Variants in SBNO2 observed in about 807,000 individuals in gnomAD.
SBNO2 encodes strawberry notch homolog 2, also known as protein strawberry notch homolog 2.
SBNO2 carries 89 observed loss-of-function variants against 146.3 expected under a neutral mutation model. The ratio of observed to expected loss-of-function variants is 0.61; its 90% confidence interval spans 0.51 to 0.73. SBNO2 has a LOEUF of 0.73. SBNO2 is among the 30% of genes least tolerant of loss of function. The probability of loss-of-function intolerance (pLI) is 0.00; values close to 1 mark genes in which losing one functional copy is unlikely to be tolerated. For missense variants in SBNO2, 2,092 were observed against 2,003.7 expected, an observed-to-expected ratio of 1.04 and a Z score of -0.84; for synonymous variants, 1,147 against 892.6, an observed-to-expected ratio of 1.29 and a Z score of -5.08.
At chr19:1,117,290 C>T (rs764077971) in intron 15 of SBNO2, 33 bp downstream of exon 15, 30 of 1,537,208 alleles carry the variant, frequency 2.0e-5, no homozygotes, top group East Asian at 1.2e-4. Flanking sequence ...CAGGCCCGGC[C>T]GCCCTCAGCC....
chr19:1,145,014 C>CAGAGACAGAGGCAGAGAG (rs1179693274), intron 4 of SBNO2, among the ~76,000 whole-genome samples: 2 of 144,984 alleles, frequency 1.4e-5, no homozygotes, highest in Admixed American at 6.8e-5. Flanking sequence ...TAGAGGGAGA[C>CAGAGACAGAGGCAGAGAG]AGAGACAGAG....
chr19:1,159,092 C>T (rs2080319442), intron 1 of SBNO2, among the ~76,000 whole-genome samples: 1 of 152,270 alleles, frequency 6.6e-6, no homozygotes, highest in East Asian at 1.9e-4. Context: ...CGTGACCCCA[C>T]CTGCAGCTAT....
chr19:1,139,986 A>AAAAG (rs1160754270), intron 4 of SBNO2, among the ~76,000 whole-genome samples: 1 of 150,206 alleles, frequency 6.7e-6, no homozygotes. Context: ...ACAGAGACAG[A>AAAAG]AAAGAAAGAA....
intron 11 of SBNO2, 132 bp downstream of exon 11, chr19:1,122,007 T>G: frequency 2.4e-4 from 27 of 114,820 alleles, no homozygotes; most frequent in Non-Finnish European, 3.4e-4. Flanking sequence ...GCCCCACCCC[T>G]CCGCTCCTAC....
At chr19:1,120,678 G>GT (rs920453902) in intron 11 of SBNO2, among the ~76,000 whole-genome samples, 17 of 150,090 alleles carry the variant, frequency 1.1e-4, no homozygotes, top group Non-Finnish European at 1.5e-4. Context: ...CTAATTCTTT[G>GT]TTTTTTTTTG....
intron 1 of SBNO2, among the ~76,000 whole-genome samples, chr19:1,166,231 A>ACCCCAGATCCCAGACTTCAGAT (rs144460199): frequency 0.96 from 73,855 of 76,538 alleles, 36,063 homozygotes; most frequent in Middle Eastern, 0.98. Flanking sequence ...GAGATTCCAG[A>ACCCCAGATCCCAGACTTCAGAT]CCCCAGATCC....
rs1264345220 is a variant in SBNO2, at chr19:1,124,011, G to T, written c.453C>A (p.Leu151=). The T allele has an allele frequency of 6.2e-7, 1 of 1,611,282 alleles. No individual in the cohort carries two copies. The highest frequency in any genetic ancestry group is 1.3e-5 in the African/African-American group (1 of 74,894). ...APSTHDKLFQ[L]SRPFAGFEDF... Reference sequence around the variant, plus strand: ...CCTCGAAGCCTGCAAACGGCCTGCTGAGCTGGAACAGCTGGAAGGGGAGCA... The same window carrying T: ...CCTCGAAGCCTGCAAACGGCCTGCTTAGCTGGAACAGCTGGAAGGGGAGCA... The change falls in exon 6 of 32, where the codon CTC becomes CTA. Residue 151 remains leucine (L), a synonymous_variant. Transcript: ENST00000361757.
intron 14 of SBNO2, among the ~76,000 whole-genome samples, chr19:1,118,071 C>G (rs2079854363): frequency 6.6e-6 from 1 of 152,230 alleles, no homozygotes; most frequent in East Asian, 1.9e-4. Flanking sequence ...TGTGGTGGCT[C>G]ACGCCTGTAA....
chr19:1,124,641 G>T (rs1379157872), intron 5 of SBNO2, among the ~76,000 whole-genome samples: 1 of 152,212 alleles, frequency 6.6e-6, no homozygotes, highest in Non-Finnish European at 1.5e-5. Flanking sequence ...CCTCCTCTGT[G>T]AGAGATGGGG....
intron 4 of SBNO2, among the ~76,000 whole-genome samples, chr19:1,146,307 C>T (rs1027734906): frequency 1.6e-4 from 24 of 152,252 alleles, no homozygotes; most frequent in African/African-American, 5.8e-4. Flanking sequence ...TGCTACGGCC[C>T]TGAGTGGGGA....
At chr19:1,130,719 T>C (rs1168098675) in intron 4 of SBNO2, among the ~76,000 whole-genome samples, 7 of 148,068 alleles carry the variant, frequency 4.7e-5, no homozygotes, top group African/African-American at 1.8e-4. Context: ...TTCAACCCAG[T>C]TGGTGGAGGT....
At chr19:1,141,334 C>T (rs2080135495) in intron 4 of SBNO2, among the ~76,000 whole-genome samples, 1 of 152,084 alleles carries the variant, frequency 6.6e-6, no homozygotes, top group South Asian at 2.1e-4. Flanking sequence ...CCTGCCTCAG[C>T]CTCCTGAGTA....
chr19:1,171,511 C>T (rs998021400), intron 1 of SBNO2, among the ~76,000 whole-genome samples: 1 of 152,148 alleles, frequency 6.6e-6, no homozygotes, highest in Admixed American at 6.5e-5. Flanking sequence ...TACATGATAC[C>T]GCCCCCTTCC....
chr19:1,108,667 C>T lies in SBNO2; in HGVS notation c.3654G>A (p.Leu1218=), dbSNP rs373031411. ...KIPEGCVRRV[L]QELRLMDADV... is the part of the protein sequence containing the mutation. ...CCGCATCCATCAGCCGCAGCTCCTG[C>T]AGCACCCGGCGCACGCAGCCCTCGG... The change falls in exon 32 of 32, where the codon CTG becomes CTA. Residue 1218 remains leucine (L), a synonymous_variant. Coordinates refer to ENST00000361757, the MANE Select transcript of SBNO2 (RefSeq NM_014963.3). The T allele has an allele frequency of 2.6e-4, 398 of 1,527,376 alleles. No individual in the cohort carries two copies. The highest frequency in any genetic ancestry group is 3.2e-4 in the Non-Finnish European group (369 of 1,145,234). 94.6% of individuals were successfully genotyped at this position (1,527,376 alleles called of 1,614,324 possible).
Position 1,110,517 on chromosome 19 carries a change from G to A in SBNO2, c.3028+228C>T, listed in dbSNP as rs529593540. ...CCCCTTGCCCACCTAGGCCCTCGCC[G>A]TGCTCACCCACAATGCACGGTGTTC... On this transcript the variant is annotated intron_variant, in intron 26 of 31. Coordinates refer to ENST00000361757, the MANE Select transcript of SBNO2 (RefSeq NM_014963.3). This position sits in a 1 kb window ranked among gnomAD's most constrained non-coding sequence, Gnocchi z 4.9. Among the ~76,000 whole-genome samples the A allele has an allele frequency of 3.6e-4, 53 of 147,014 alleles. No homozygotes were observed. The highest frequency in any genetic ancestry group is 1.3e-3 in the African/African-American group (51 of 39,316).
intron 4 of SBNO2, among the ~76,000 whole-genome samples, chr19:1,130,223 T>C (rs780420076): frequency 2.6e-5 from 4 of 152,124 alleles, no homozygotes; most frequent in Non-Finnish European, 2.9e-5. Flanking sequence ...CGGATGTTGG[T>C]TCATCAGCCG....
chr19:1,174,180 C>G lies in SBNO2; in HGVS notation c.-135G>C, dbSNP rs977110197. ...CGCAACCAGAGCCTCACCTCGGGCC[C>G]GGGTCCGGCCGGGCGCGGAGCCCGC... On this transcript the variant is annotated 5_prime_UTR_variant, in exon 1 of 32. Transcript: ENST00000361757. The G allele has an allele frequency of 1.3e-5, 2 of 151,876 alleles. No homozygotes were observed. Among genetic ancestry groups the G allele is most frequent in the South Asian group, 2.1e-4 (1 of 4,822 alleles). 9.4% of individuals were successfully genotyped at this position (151,876 alleles called of 1,614,324 possible).
chr19:1,118,106 C>A (rs538931686), intron 14 of SBNO2, among the ~76,000 whole-genome samples: 11 of 152,164 alleles, frequency 7.2e-5, no homozygotes, highest in Non-Finnish European at 7.4e-5. Flanking sequence ...GAGGCTGAGG[C>A]GGTCAGATCG....
At position 1,116,061 on chromosome 19, in the gene SBNO2, G is replaced by A. The variant is rs75153490; in HGVS notation, c.1845C>T (p.Thr615=). The A allele has an allele frequency of 6.1e-3, 9,869 of 1,611,320 alleles. 546 individuals carry two copies. In the African/African-American group the frequency reaches 0.12, roughly 19 times the overall value. The change falls in exon 17 of 32, where the codon ACC becomes ACT. Residue 615 remains threonine (T), a synonymous_variant. Coordinates refer to ENST00000361757, the MANE Select transcript of SBNO2 (RefSeq NM_014963.3). ...CCGCTCCTCTGTCCCGCTTTCTCTTGGTGGACGGAAAGTGCTTCTGAATTA... is the reference window on the plus strand; with the variant it reads ...CCGCTCCTCTGTCCCGCTTTCTCTTAGTGGACGGAAAGTGCTTCTGAATTA... The part of the protein sequence containing the change: ...LSLIQKHFPS[T]KRKRDRGAGS...
Sources: allele counts gnomAD v4.1 joint callset (sites outside exome capture counted in the v4.1 genomes callset), GRCh38; gene constraint gnomAD v4.1.1; non-coding constraint Gnocchi (gnomAD v3.1); transcripts MANE v1.5; gene names NCBI Gene and HGNC (gene_info 2026-07-23, HGNC 2026-07-21).